The following GALNT13 variants were observed in gnomAD, a reference collection of about 807,000 sequenced individuals.
GALNT13 encodes UDP-GalNAc:polypeptide N-acetylgalactosaminyltransferase 13.
In GALNT13, 28 loss-of-function variants were observed where a neutral mutation model predicts 64.2. That is an observed-to-expected ratio of 0.44 (90% CI 0.32 to 0.60). GALNT13 has a LOEUF of 0.60. Ranked by LOEUF, GALNT13 falls within the 20% of genes least tolerant of loss-of-function variation. The pLI is 0.05. For missense variants in GALNT13, 577 were observed against 669.8 expected, an observed-to-expected ratio of 0.86 and a Z score of 1.53; for synonymous variants, 214 against 224.6, an observed-to-expected ratio of 0.95 and a Z score of 0.42.
the GALNT13 span, among the ~76,000 whole-genome samples, chr2:153,668,241 C>A: frequency 4.6e-5 from 7 of 152,196 alleles, no homozygotes; most frequent in South Asian, 1.4e-3. Flanking sequence ...CTAAACACAA[C>A]ACTTGACCAA....
chr2:153,713,681 G>A, the GALNT13 span, among the ~76,000 whole-genome samples: 10 of 152,070 alleles, frequency 6.6e-5, no homozygotes, highest in Non-Finnish European at 1.0e-4. Context: ...ACGGGGTTTC[G>A]CCATGTTGGC....
At chr2:153,147,716 A>C in the GALNT13 span, among the ~76,000 whole-genome samples, 2 of 151,698 alleles carry the variant, frequency 1.3e-5, no homozygotes, top group African/African-American at 4.8e-5. Flanking sequence ...TTTATAGGGA[A>C]ATTTGGATAC....
intron 9 of GALNT13, among the ~76,000 whole-genome samples, chr2:154,391,484 T>C (rs1357899895): frequency 6.6e-6 from 1 of 152,144 alleles, no homozygotes; most frequent in Non-Finnish European, 1.5e-5. Flanking sequence ...GATGTGCCTT[T>C]AGTCTGTGCT....
intron 3 of GALNT13, among the ~76,000 whole-genome samples, chr2:154,038,919 CAAAT>C: frequency 6.6e-6 from 1 of 151,808 alleles, no homozygotes; most frequent in East Asian, 1.9e-4. Context: ...ATTTCCCAAA[CAAAT>C]GATTCTATTA....
the GALNT13 span, among the ~76,000 whole-genome samples, chr2:153,354,641 G>A: frequency 6.6e-6 from 1 of 152,138 alleles, no homozygotes; most frequent in Non-Finnish European, 1.5e-5. Context: ...CTCTGGGTAA[G>A]GTTGGCAGAC....
At chr2:153,430,330 TGAGTTTTTATG>T in the GALNT13 span, among the ~76,000 whole-genome samples, 1 of 152,090 alleles carries the variant, frequency 6.6e-6, no homozygotes, top group Non-Finnish European at 1.5e-5. Flanking sequence ...TTATAGGTTG[TGAGTTTTTATG>T]ATACCATCTG....
chr2:153,800,045 GCTCTCTCTCTCTCT>G, the GALNT13 span, among the ~76,000 whole-genome samples: 94 of 118,960 alleles, frequency 7.9e-4, 1 homozygote, highest in South Asian at 1.8e-3. Flanking sequence ...CATTTAGTTT[GCTCTCTCTCTCTCT>G]CTCTCTCTCT....
At chr2:153,132,045 A>G in the GALNT13 span, among the ~76,000 whole-genome samples, 1 of 152,170 alleles carries the variant, frequency 6.6e-6, no homozygotes, top group East Asian at 1.9e-4. Flanking sequence ...TGTGTCAAGG[A>G]CACAGCAGCT....
chr2:153,258,051 C>T, the GALNT13 span, among the ~76,000 whole-genome samples: 1 of 152,100 alleles, frequency 6.6e-6, no homozygotes, highest in African/African-American at 2.4e-5. Context: ...TTACCCAACT[C>T]ATAGGTATTT....
In GALNT13 at chr2:154,137,505, C is replaced by T. The variant is rs188087059; in HGVS notation, c.143-2832C>T. On this transcript the variant is annotated intron_variant, in intron 3 of 12. Transcript: ENST00000392825. ...GCAAGTAGTCCTAGGTATACGGACA[C>T]TGTTTATGACCATTTTAATTTCATT... 1.1e-4 allele frequency among the ~76,000 whole-genome samples: 16 copies of T among 152,244 alleles called. No individual in the cohort carries two copies. The East Asian group carries it at 3.1e-3, about 29-fold the overall frequency.
the GALNT13 span, among the ~76,000 whole-genome samples, chr2:153,200,253 A>C: frequency 2.4e-4 from 36 of 152,356 alleles, no homozygotes; most frequent in African/African-American, 8.4e-4. Flanking sequence ...AAGAGCAAGA[A>C]TTGTCACTGA....
At chr2:153,347,246 G>A in the GALNT13 span, among the ~76,000 whole-genome samples, 1 of 152,186 alleles carries the variant, frequency 6.6e-6, no homozygotes, top group Non-Finnish European at 1.5e-5. Context: ...ACAAGGCAGG[G>A]ATAGGAGGGA....
intron 11 of GALNT13, among the ~76,000 whole-genome samples, chr2:154,433,925 G>A (rs891081874): frequency 3.4e-4 from 51 of 152,144 alleles, no homozygotes; most frequent in African/African-American, 1.2e-3. Context: ...AACCATATTA[G>A]AGATGAGTCT....
At chr2:153,885,715 G>A (rs6754499) in intron 1 of GALNT13, among the ~76,000 whole-genome samples, 8,133 of 152,144 alleles carry the variant, frequency 0.053, 310 homozygotes, top group South Asian at 0.11. Flanking sequence ...CCATTTCAGT[G>A]TTCACAGATG....
At chr2:153,502,885 T>C in the GALNT13 span, among the ~76,000 whole-genome samples, 4 of 152,030 alleles carry the variant, frequency 2.6e-5, no homozygotes, top group Non-Finnish European at 4.4e-5. Flanking sequence ...GTATGTCTTC[T>C]TTTGAGAATT....
At chr2:154,206,861 G>C (rs1463044752) in intron 4 of GALNT13, among the ~76,000 whole-genome samples, 1 of 151,724 alleles carries the variant, frequency 6.6e-6, no homozygotes, top group African/African-American at 2.4e-5. Flanking sequence ...TCAAGAACAT[G>C]GTCGTTTCAC....
At chr2:153,392,625 C>T in the GALNT13 span, among the ~76,000 whole-genome samples, 1 of 152,002 alleles carries the variant, frequency 6.6e-6, no homozygotes, top group Non-Finnish European at 1.5e-5. Flanking sequence ...GACAAAACTC[C>T]CTCTTCCTCT....
chr2:153,495,761 T>A, the GALNT13 span, among the ~76,000 whole-genome samples: 5 of 152,204 alleles, frequency 3.3e-5, no homozygotes, highest in Non-Finnish European at 7.4e-5. Context: ...GGGGAGGGAA[T>A]CATGGAATGC....
At chr2:153,175,546 C>G in the GALNT13 span, among the ~76,000 whole-genome samples, 1 of 152,052 alleles carries the variant, frequency 6.6e-6, no homozygotes, top group Non-Finnish European at 1.5e-5. Context: ...CTATCTAATG[C>G]AAGAAAATGA....
Sources: allele counts gnomAD v4.1 joint callset (sites outside exome capture counted in the v4.1 genomes callset), GRCh38; gene constraint gnomAD v4.1.1; transcripts MANE v1.5; gene names NCBI Gene and HGNC (gene_info 2026-07-23, HGNC 2026-07-21).